The following B4GALT1 variants were observed in gnomAD, a reference collection of about 807,000 sequenced individuals.
The protein encoded by B4GALT1 is N-acetyllactosamine synthase.
A neutral mutation model predicts 34.9 loss-of-function variants in B4GALT1; 16 were observed. The ratio of observed to expected loss-of-function variants is 0.46; its 90% CI spans 0.31 to 0.70. The LOEUF (loss-of-function observed/expected upper bound fraction) is 0.70, where lower values mean the gene tolerates loss of function less well. Ranked by LOEUF, B4GALT1 falls within the 30% of genes least tolerant of loss-of-function variation. The probability of loss-of-function intolerance (pLI) is 0.05; values close to 1 mark genes in which losing one functional copy is unlikely to be tolerated. For missense variants in B4GALT1, 445 were observed against 530.5 expected (o/e 0.84, Z 1.58); for synonymous variants, 221 against 218.1 (o/e 1.01, Z -0.12).
rs888295506 is a variant in B4GALT1, at chr9:33,160,711, A to T, written c.412+6047T>A. 3.2e-4 allele frequency among the ~76,000 whole-genome samples: 48 copies of T among 152,154 alleles called. 3 individuals are homozygous for T. The highest frequency in any genetic ancestry group is 1.5e-5 in the Non-Finnish European group (1 of 68,020). On this transcript the variant is annotated intron_variant, in intron 1 of 5. Coordinates refer to ENST00000379731, the MANE Select transcript of B4GALT1 (RefSeq NM_001497.4). ...AGCCCGAGAGGTCGAGGCTGCAGTG[A>T]GCCGTGATCACTGCACTCCAGCCTG...
chr9:33,121,331 G>A (rs546985506), intron 2 of B4GALT1, among the ~76,000 whole-genome samples: 39 of 152,332 alleles, frequency 2.6e-4, no homozygotes, highest in Admixed American at 1.1e-3. Context: ...CAGGCACCAA[G>A]TGTGCTGGTG....
upstream of B4GALT1, among the ~76,000 whole-genome samples, chr9:33,170,679 C>T (rs1799722020): frequency 6.6e-6 from 1 of 152,238 alleles, no homozygotes; most frequent in African/African-American, 2.4e-5. Context: ...GCACTAGTCT[C>T]AGCTGCCCCT....
At chr9:33,125,636 A>G (rs991068807) in intron 2 of B4GALT1, among the ~76,000 whole-genome samples, 2 of 149,652 alleles carry the variant, frequency 1.3e-5, no homozygotes, top group Admixed American at 1.4e-4. Context: ...CTACACTTGC[A>G]AGCAGCCTTT....
chr9:33,118,170 C>T (rs780662618), intron 3 of B4GALT1, among the ~76,000 whole-genome samples: 4 of 152,010 alleles, frequency 2.6e-5, no homozygotes, highest in East Asian at 1.9e-4. Flanking sequence ...AAAGCGGGGA[C>T]GGAAGGGTAT....
chr9:33,180,186 A>G, the B4GALT1 span, among the ~76,000 whole-genome samples: 1 of 151,998 alleles, frequency 6.6e-6, no homozygotes, highest in Non-Finnish European at 1.5e-5. Context: ...ACAGGCACAC[A>G]CCACCATGCC....
At chr9:33,173,572 TGATA>T in the B4GALT1 span, among the ~76,000 whole-genome samples, 1 of 148,976 alleles carries the variant, frequency 6.7e-6, no homozygotes, top group South Asian at 2.1e-4. Context: ...TTCAATATAG[TGATA>T]GATGAAATAA....
At chr9:33,166,197 C>T (rs1019127512) in intron 1 of B4GALT1, among the ~76,000 whole-genome samples, 4 of 152,154 alleles carry the variant, frequency 2.6e-5, no homozygotes, top group African/African-American at 9.7e-5. Flanking sequence ...CCAAAACAAC[C>T]CCTTGAAAGG....
chr9:33,120,695 T>TG, intron 2 of B4GALT1, 89 bp from the exon 3 acceptor site: 1 of 1,363,276 alleles, frequency 7.3e-7, no homozygotes, highest in South Asian at 1.2e-5. Flanking sequence ...CCACTACACA[T>TG]GGTCACTAGG....
chr9:33,122,462 G>A (rs111370407), intron 2 of B4GALT1, among the ~76,000 whole-genome samples: 14,718 of 151,906 alleles, frequency 0.097, 884 homozygotes, highest in African/African-American at 0.16. Flanking sequence ...AGCCATGACG[G>A]CACCACTGCA....
At chr9:33,173,838 T>G in the B4GALT1 span, among the ~76,000 whole-genome samples, 1 of 152,120 alleles carries the variant, frequency 6.6e-6, no homozygotes, top group Admixed American at 6.5e-5. Context: ...AATGATAAGA[T>G]TATGTCAAAA....
chr9:33,141,379 G>A (rs148902048), intron 1 of B4GALT1, among the ~76,000 whole-genome samples: 491 of 152,122 alleles, frequency 3.2e-3, no homozygotes, highest in Non-Finnish European at 5.5e-3. Flanking sequence ...AAAATTAACC[G>A]GGTGTGGTGT....
At chr9:33,169,768 G>A (rs1338063349), upstream of B4GALT1, among the ~76,000 whole-genome samples, 4 of 151,954 alleles carry the variant, frequency 2.6e-5, no homozygotes, top group African/African-American at 9.7e-5. Context: ...TGATCCGCCC[G>A]CCTCGGCCTC....
At chr9:33,131,342 G>A (rs894620225) in intron 2 of B4GALT1, among the ~76,000 whole-genome samples, 11 of 152,220 alleles carry the variant, frequency 7.2e-5, no homozygotes, top group African/African-American at 2.2e-4. Flanking sequence ...GGCCTCAGGG[G>A]TCTAGGCAAA....
At chr9:33,107,875 T>C (rs1839810937), downstream of B4GALT1, among the ~76,000 whole-genome samples, 4 of 152,140 alleles carry the variant, frequency 2.6e-5, no homozygotes, top group South Asian at 8.3e-4. Flanking sequence ...GGGGAAACAC[T>C]GTTGGTGAGG....
chr9:33,107,515 C>A (rs1275908520), downstream of B4GALT1, among the ~76,000 whole-genome samples: 1 of 152,184 alleles, frequency 6.6e-6, no homozygotes, highest in Non-Finnish European at 1.5e-5. Context: ...CCAGGGGCAG[C>A]CGCCTCCTTG....
intron 1 of B4GALT1, among the ~76,000 whole-genome samples, chr9:33,153,275 G>A (rs72723005): frequency 0.071 from 10,742 of 152,162 alleles, 530 homozygotes; most frequent in Non-Finnish European, 0.1. Flanking sequence ...AACGTTTAAA[G>A]AGCATGATCT....
chr9:33,151,389 G>T (rs1000516807), intron 1 of B4GALT1, among the ~76,000 whole-genome samples: 2 of 152,164 alleles, frequency 1.3e-5, no homozygotes, highest in African/African-American at 4.8e-5. Flanking sequence ...GAGCTGCGGT[G>T]CTGACTACGA....
the B4GALT1 span, among the ~76,000 whole-genome samples, chr9:33,175,021 A>ATAT: frequency 1.9e-4 from 11 of 58,560 alleles, no homozygotes; most frequent in Middle Eastern, 0.011. Flanking sequence ...ATATATATAT[A>ATAT]AAATTGGAGG....
At chr9:33,126,604 A>C (rs1840101725) in intron 2 of B4GALT1, among the ~76,000 whole-genome samples, 1 of 152,248 alleles carries the variant, frequency 6.6e-6, no homozygotes, top group Non-Finnish European at 1.5e-5. Flanking sequence ...AAACATTGTT[A>C]ACTATTGTTA....
Sources: gnomAD v4.1 joint callset for allele counts (sites outside exome capture counted in the v4.1 genomes callset) on GRCh38, gnomAD v4.1.1 for gene constraint, MANE v1.5 for transcripts, NCBI Gene and HGNC (gene_info 2026-07-23, HGNC 2026-07-21) for gene names.